SCARF2: variants seen among roughly 807,000 people sequenced by gnomAD.
The protein encoded by SCARF2 is scavenger receptor expressed by endothelial cells 2 protein.
Under a neutral mutation model 73.4 loss-of-function variants are expected in SCARF2, and 39 were observed. That is an observed-to-expected ratio of 0.53 (90% CI 0.41 to 0.69). SCARF2 has a LOEUF of 0.69. SCARF2 is among the 30% of genes least tolerant of loss of function. The pLI is 0.00. For synonymous variants in SCARF2, 605 were observed against 590.0 expected (o/e 1.03, Z -0.37); for missense variants, 1,148 against 1,303.5 (o/e 0.88, Z 1.84).
Position 20,426,221 on chromosome 22 carries a change from C to T in SCARF2, c.1755G>A (p.Pro585=), listed in dbSNP as rs1422180686. The part of the protein sequence containing the change: ...VPTVPAEAPA[P]SPVPLTTPAS... ...CTGGCGTGGTCAAGGGCACAGGGGACGGCGCCGGCGCCTCGGCAGGGACAG... is the reference window on the plus strand; with the variant it reads ...CTGGCGTGGTCAAGGGCACAGGGGATGGCGCCGGCGCCTCGGCAGGGACAG... The change falls in exon 11 of 11, where the codon CCG becomes CCA. Residue 585 remains proline, a synonymous_variant. Transcript: ENST00000622235. 2.6e-6 allele frequency: 4 copies of T among 1,532,308 alleles called. No individual in the cohort carries two copies. The highest frequency in any genetic ancestry group is 8.7e-7 in the Non-Finnish European group (1 of 1,145,492). The allele number at this position is 1,532,308 out of a possible 1,614,324, so 94.9% of individuals were successfully genotyped here. A position where few individuals can be genotyped will look rare whatever the true frequency, so the allele number is the denominator to read the frequency against.
At chr22:20,427,616 C>T in intron 9 of SCARF2, 66 bp from the exon 10 acceptor site, 1 of 1,585,174 alleles carries the variant, frequency 6.3e-7, no homozygotes, top group Non-Finnish European at 8.6e-7. Flanking sequence ...TCATTAGCCC[C>T]TGCTGTGACA....
At position 20,425,876 on chromosome 22, in the gene SCARF2, C is replaced by G; in HGVS notation, c.2100G>C (p.Thr700=). ...AAPSPSKRKR[T]PSDKSAHTVE... ...CCGTATGCGCCGATTTGTCGCTGGG[C>G]GTCCGTTTCCTCTTGCTGGGGCTGG... The change falls in exon 11 of 11, where the codon ACG becomes ACC. Residue 700 remains threonine (T), a synonymous_variant. Transcript: ENST00000622235. This position sits in a 1 kb window ranked among gnomAD's most constrained non-coding sequence, Gnocchi z 4.6. The G allele has an allele frequency of 6.3e-7, 1 of 1,597,326 alleles. No homozygotes were observed. Among genetic ancestry groups the G allele is most frequent in the African/African-American group, 1.4e-5 (1 of 72,890 alleles).
In SCARF2 at chr22:20,437,790, G is replaced by C; in HGVS notation, c.-36C>G. ...GCAGGCGCGGGGCGGGCACGGGCGCGGGTGCGGCCGCAGCGAGAGCGGCCG... is the reference window on the plus strand; with the variant it reads ...GCAGGCGCGGGGCGGGCACGGGCGCCGGTGCGGCCGCAGCGAGAGCGGCCG... On this transcript the variant is annotated 5_prime_UTR_variant, in exon 1 of 11. Transcript: ENST00000622235. The C allele has an allele frequency of 3.4e-6, 3 of 881,360 alleles. No homozygotes were observed. Among genetic ancestry groups the C allele is most frequent in the Non-Finnish European group, 4.1e-6 (3 of 735,598 alleles). The allele number at this position is 881,360 out of a possible 1,614,324, so 54.6% of individuals were successfully genotyped here.
At position 20,426,210 on chromosome 22, in the gene SCARF2, G is replaced by A. The variant is rs536905518; in HGVS notation, c.1766C>T (p.Pro589Leu). ...CTCGGCGGAGGCTGGCGTGGTCAAG[G>A]GCACAGGGGACGGCGCCGGCGCCTC... ...PAEAPAPSPVPLTTPASAEEA... is the reference protein window; with the variant it reads ...PAEAPAPSPVLLTTPASAEEA... The change falls in exon 11 of 11, where the codon CCC becomes CTC. Residue 589 changes from proline to leucine, a missense_variant. Pro to Leu is a moderately conservative substitution (Grantham distance 98). Coordinates refer to ENST00000622235, the MANE Select transcript of SCARF2 (RefSeq NM_182895.5). 1.3e-6 allele frequency: 2 copies of A among 1,530,390 alleles called. No individual in the cohort carries two copies. The highest frequency in any genetic ancestry group is 1.7e-6 in the Non-Finnish European group (2 of 1,144,634). 94.8% of individuals were successfully genotyped at this position (1,530,390 alleles called of 1,614,324 possible). A position where few individuals can be genotyped will look rare whatever the true frequency, so the allele number is the denominator to read the frequency against.
At chr22:20,434,797 A>G (rs919615273) in intron 1 of SCARF2, among the ~76,000 whole-genome samples, 2 of 152,168 alleles carry the variant, frequency 1.3e-5, no homozygotes, top group African/African-American at 4.8e-5. Flanking sequence ...TACATCTTCA[A>G]GTTGGCTCAT....
At chr22:20,428,051 G>A (rs938940669) in intron 9 of SCARF2, among the ~76,000 whole-genome samples, 43 of 152,122 alleles carry the variant, frequency 2.8e-4, no homozygotes, top group African/African-American at 9.7e-4. Context: ...CACAACAGGG[G>A]GCCCCAGAAG....
rs544365531 is a variant in SCARF2, at chr22:20,431,641, G to A, written c.334+104C>T. ...CCCGCACTCCAGCCGCCACCTCTGG[G>A]GACCCGCCCCGAAGGCGGATCCGAC... On this transcript the variant is annotated intron_variant, in intron 3 of 10. Transcript: ENST00000622235. The A allele has an allele frequency of 8.6e-5, 132 of 1,540,642 alleles. No individual in the cohort carries two copies. The East Asian group carries it at 2.8e-3, about 33-fold the overall frequency.
In SCARF2 at chr22:20,429,725, C is replaced by G. The variant is rs1292226883; in HGVS notation, c.1306+5G>C. The G allele has an allele frequency of 1.9e-6, 3 of 1,613,854 alleles. No homozygotes were observed. In the Admixed American group the frequency reaches 5.0e-5, roughly 27 times the overall value. On this transcript the variant is annotated splice_donor_5th_base_variant and intron_variant, in intron 7 of 10. Coordinates refer to ENST00000622235, the MANE Select transcript of SCARF2 (RefSeq NM_182895.5). The surrounding 1 kb of genome is among the most constrained non-coding windows in gnomAD (Gnocchi z 5.2). ...TCCTTAACGGGACGCCCCTCATCCA[C>G]TTACCTAGGTGGCAGGCACCAGTGA...
In SCARF2 at chr22:20,425,919, G is replaced by T; in HGVS notation, c.2057C>A (p.Pro686Gln). ...GGGGCTGGGCGCGGCCTCGGAGCCT[G>T]GCGGCGGTGGTGAGGGCGCACGGCC... ...AAGRAPSPPP[P>Q]GSEAAPSPSK... The change falls in exon 11 of 11, where the codon CCA becomes CAA. Residue 686 changes from proline to glutamine, a missense_variant. Transcript: ENST00000622235. This position sits in a 1 kb window ranked among gnomAD's most constrained non-coding sequence, Gnocchi z 4.6. 1 of 1,597,606 alleles carries T rather than the reference G, an allele frequency of 6.3e-7. No individual in the cohort carries two copies.
At chr22:20,433,226 G>A (rs568765609) in intron 1 of SCARF2, among the ~76,000 whole-genome samples, 1 of 152,304 alleles carries the variant, frequency 6.6e-6, no homozygotes, top group South Asian at 2.1e-4. Context: ...ACATTCAGGG[G>A]CAGAGGAGGC....
rs2052616790 is a variant in SCARF2, at chr22:20,429,441, C to A, written c.1424+95G>T. On this transcript the variant is annotated intron_variant, in intron 8 of 10. Transcript: ENST00000622235. This position sits in a 1 kb window ranked among gnomAD's most constrained non-coding sequence, Gnocchi z 5.2. ...AGCACAGAAGGGGCGGGGCCACGTC[C>A]GGGGCAGGGGCGCGGAAGGGTTGGA... The A allele has an allele frequency of 6.4e-7, 1 of 1,567,848 alleles. No individual in the cohort carries two copies. Among genetic ancestry groups the A allele is most frequent in the East Asian group, 2.4e-5 (1 of 42,402 alleles).
rs201633444 is a variant in SCARF2 at position 20,429,496 on chromosome 22, G to A, written c.1424+40C>T. On this transcript the variant is annotated intron_variant, in intron 8 of 10. Coordinates refer to ENST00000622235, the MANE Select transcript of SCARF2 (RefSeq NM_182895.5). This position sits in a 1 kb window ranked among gnomAD's most constrained non-coding sequence, Gnocchi z 5.2. Reference sequence around the variant, plus strand: ...GGTCCGGTGGCACCCAGAGGGTGCGGCCTGAACCCAGGCGAAAGCGGGGCA... The same window carrying A: ...GGTCCGGTGGCACCCAGAGGGTGCGACCTGAACCCAGGCGAAAGCGGGGCA... 4 of 1,607,362 alleles carry A rather than the reference G, an allele frequency of 2.5e-6. No individual in the cohort carries two copies. Among genetic ancestry groups the A allele is most frequent in the African/African-American group, 1.3e-5 (1 of 74,788 alleles).
chr22:20,435,049 G>T (rs2146137772), intron 1 of SCARF2, among the ~76,000 whole-genome samples: 1 of 152,292 alleles, frequency 6.6e-6, no homozygotes, highest in African/African-American at 2.4e-5. Context: ...TGCTAGACTT[G>T]CAAATCCAAC....
At position 20,425,630 on chromosome 22, in the gene SCARF2, G is replaced by T; in HGVS notation, c.2346C>A (p.Gly782=). The T allele has an allele frequency of 7.6e-7, 1 of 1,308,594 alleles. No individual in the cohort carries two copies. Among genetic ancestry groups the T allele is most frequent in the Non-Finnish European group, 9.7e-7 (1 of 1,031,010 alleles). 81.1% of individuals were successfully genotyped at this position (1,308,594 alleles called of 1,614,324 possible). ...GCGCGCCCAGGGCCACCTCGGCGCG[G>T]CCCAGGCTGCGAGTCTTGCCGCGCA... ...AELRGKTRSL[G]RAEVALGAQG... The change falls in exon 11 of 11, where the codon GGC becomes GGA. Residue 782 remains glycine (G), a synonymous_variant. Transcript: ENST00000622235. The surrounding 1 kb of genome is among the most constrained non-coding windows in gnomAD (Gnocchi z 4.6).
At chr22:20,431,569 C>T (rs1185782618) in intron 3 of SCARF2, 32 bp from the exon 4 acceptor site, 4 of 1,552,838 alleles carry the variant, frequency 2.6e-6, no homozygotes, top group Non-Finnish European at 3.5e-6. Flanking sequence ...GGTGGAAGGC[C>T]CCGGTGCTTG....
chr22:20,431,493 T>C lies in SCARF2; in HGVS notation c.379A>G (p.Ser127Gly), dbSNP rs1212505706. The change falls in exon 4 of 11, where the codon AGC becomes GGC. Residue 127 changes from serine to glycine, a missense_variant. Physicochemically the swap from Ser to Gly is moderately conservative, Grantham distance 56. Coordinates refer to ENST00000622235, the MANE Select transcript of SCARF2 (RefSeq NM_182895.5). ...FWGPDCKELC[S>G]CHPHGQCEDV... Reference sequence around the variant, plus strand: ...TCGCACTGCCCGTGTGGGTGGCAGCTACACAGCTCCTTGCAGTCGGGGCCC... The same window carrying C: ...TCGCACTGCCCGTGTGGGTGGCAGCCACACAGCTCCTTGCAGTCGGGGCCC... 2 of 1,576,592 alleles carry C rather than the reference T, an allele frequency of 1.3e-6. No homozygotes were observed. Among genetic ancestry groups the C allele is most frequent in the East Asian group, 2.3e-5 (1 of 43,190 alleles).
At chr22:20,430,318 C>G in intron 6 of SCARF2, 111 bp downstream of exon 6, 1 of 1,336,742 alleles carries the variant, frequency 7.5e-7, no homozygotes, top group Non-Finnish European at 1.0e-6. Flanking sequence ...GGGTAAGGGA[C>G]CAAGGCTGAG....
In SCARF2 at chr22:20,426,209, G is replaced by T; in HGVS notation, c.1767C>A (p.Pro589=). Residue 589 remains proline (P), a synonymous_variant, in exon 11 of 11, where the codon CCC becomes CCA. Transcript: ENST00000622235. ...CCTCGGCGGAGGCTGGCGTGGTCAAGGGCACAGGGGACGGCGCCGGCGCCT... is the reference window on the plus strand; with the variant it reads ...CCTCGGCGGAGGCTGGCGTGGTCAATGGCACAGGGGACGGCGCCGGCGCCT... ...PAEAPAPSPV[P]LTTPASAEEA... is the part of the protein sequence containing the mutation. 6.5e-7 allele frequency: 1 copy of T among 1,529,750 alleles called. No homozygotes were observed. The highest frequency in any genetic ancestry group is 2.4e-5 in the East Asian group (1 of 41,192). 94.8% of individuals were successfully genotyped at this position (1,529,750 alleles called of 1,614,324 possible).
intron 9 of SCARF2, among the ~76,000 whole-genome samples, chr22:20,428,565 A>C (rs915093563): frequency 3.3e-5 from 5 of 152,088 alleles, no homozygotes; most frequent in Non-Finnish European, 7.4e-5. Context: ...CGGCCTCCCA[A>C]AGTGCTGAGA....
Sources: gnomAD v4.1 joint callset for allele counts (sites outside exome capture counted in the v4.1 genomes callset) on GRCh38, gnomAD v4.1.1 for gene constraint, Gnocchi (gnomAD v3.1) non-coding constraint, MANE v1.5 for transcripts, NCBI Gene and HGNC (gene_info 2026-07-23, HGNC 2026-07-21) for gene names.